Variants in FAF1 observed in about 807,000 individuals in gnomAD.
FAF1 encodes FAS-associated factor 1.
Under a neutral mutation model 92.5 loss-of-function variants are expected in FAF1, and 25 were observed. The observed-to-expected ratio is 0.27, with a 90% confidence interval of 0.20 to 0.38. The LOEUF is 0.38. FAF1 is among the 10% of genes least tolerant of loss of function. The pLI is 1.00. For missense variants in FAF1, 636 were observed against 793.3 expected (o/e 0.80, Z 2.38); for synonymous variants, 234 against 273.2 (o/e 0.86, Z 1.42).
intron 1 of FAF1, 143 bp downstream of exon 1, chr1:50,959,624 C>T: frequency 4.0e-6 from 2 of 499,494 alleles, no homozygotes; most frequent in Non-Finnish European, 7.2e-6. Flanking sequence ...TAGCTCGCCA[C>T]ACACACACAC....
At chr1:50,854,348 G>C (rs1273819277) in intron 2 of FAF1, among the ~76,000 whole-genome samples, 2 of 151,874 alleles carry the variant, frequency 1.3e-5, no homozygotes, top group African/African-American at 2.4e-5. Context: ...TTACCTTTCT[G>C]GGTATAAATG....
At chr1:50,755,009 T>C (rs1660019976) in intron 4 of FAF1, among the ~76,000 whole-genome samples, 1 of 152,100 alleles carries the variant, frequency 6.6e-6, no homozygotes, top group Admixed American at 6.5e-5. Context: ...AGATGAGATT[T>C]GGGTGGGGAC....
intron 8 of FAF1, among the ~76,000 whole-genome samples, chr1:50,604,076 C>G (rs1033630085): frequency 1.3e-5 from 2 of 152,158 alleles, no homozygotes; most frequent in African/African-American, 4.8e-5. Flanking sequence ...GCAACCGGAG[C>G]TGGAAGAAAC....
intron 1 of FAF1, among the ~76,000 whole-genome samples, chr1:50,945,508 C>T (rs560241844): frequency 3.7e-4 from 57 of 152,146 alleles, no homozygotes; most frequent in Non-Finnish European, 6.8e-4. Context: ...CAGTCCTTTG[C>T]TTTGTGTTCA....
chr1:50,659,820 A>C (rs571143271), intron 7 of FAF1, among the ~76,000 whole-genome samples: 38 of 152,336 alleles, frequency 2.5e-4, no homozygotes, highest in South Asian at 1.0e-3. Flanking sequence ...GGTATAGTTT[A>C]ATTTCTTCCA....
At chr1:50,653,983 G>C (rs945157946) in intron 8 of FAF1, among the ~76,000 whole-genome samples, 1 of 152,108 alleles carries the variant, frequency 6.6e-6, no homozygotes, top group Admixed American at 6.5e-5. Flanking sequence ...TAAAGGTTTT[G>C]CTATTTTCTG....
At chr1:50,880,537 C>T (rs1644603547) in intron 1 of FAF1, among the ~76,000 whole-genome samples, 1 of 152,188 alleles carries the variant, frequency 6.6e-6, no homozygotes, top group Non-Finnish European at 1.5e-5. Context: ...AGAACTCGTA[C>T]ACTATCTCCA....
chr1:50,653,948 G>A lies in FAF1; in HGVS notation c.744+1494C>T, dbSNP rs1326190764. On this transcript the variant is annotated intron_variant, in intron 8 of 18. Transcript: ENST00000396153. ...CTCCCAAAGTGCTGGGATTACAGGT[G>A]TGAGTCACCGTGCCTGACCAAAAAT... Among the ~76,000 whole-genome samples, 5 of 152,142 alleles carry A rather than the reference G, an allele frequency of 3.3e-5. No individual in the cohort carries two copies. In the South Asian group the frequency reaches 6.2e-4, roughly 19 times the overall value.
At chr1:50,495,311 G>A (rs1467714955) in intron 15 of FAF1, among the ~76,000 whole-genome samples, 1 of 152,118 alleles carries the variant, frequency 6.6e-6, no homozygotes, top group Non-Finnish European at 1.5e-5. Flanking sequence ...ATCTCCATGT[G>A]TTTAATTGTT....
At chr1:50,566,764 A>T (rs1650191138) in intron 13 of FAF1, among the ~76,000 whole-genome samples, 1 of 152,116 alleles carries the variant, frequency 6.6e-6, no homozygotes, top group South Asian at 2.1e-4. Flanking sequence ...TTTTCTGAAC[A>T]TCATTAAAAA....
chr1:50,729,056 A>ATTTTTT (rs1481654972), intron 6 of FAF1, among the ~76,000 whole-genome samples: 32 of 105,792 alleles, frequency 3.0e-4, no homozygotes, highest in South Asian at 6.5e-4. Context: ...ATATATATAT[A>ATTTTTT]TATTTTTTTT....
intron 4 of FAF1, among the ~76,000 whole-genome samples, chr1:50,774,919 G>A (rs761341594): frequency 6.6e-5 from 10 of 151,984 alleles, no homozygotes; most frequent in Non-Finnish European, 1.3e-4. Context: ...CTGCAATAAG[G>A]ACCCTAAAAA....
intron 1 of FAF1, among the ~76,000 whole-genome samples, chr1:50,919,863 T>C (rs1243234639): frequency 6.6e-6 from 1 of 152,120 alleles, no homozygotes; most frequent in Non-Finnish European, 1.5e-5. Context: ...TTGTAATCTC[T>C]AGAACAAGGG....
At chr1:50,543,141 TAAATC>T (rs778269419) in intron 13 of FAF1, among the ~76,000 whole-genome samples, 3 of 152,200 alleles carry the variant, frequency 2.0e-5, no homozygotes, top group Non-Finnish European at 4.4e-5. Context: ...GGATTACTAA[TAAATC>T]AGATATGGCA....
intron 8 of FAF1, among the ~76,000 whole-genome samples, chr1:50,609,208 T>C (rs552974006): frequency 2.6e-5 from 4 of 152,310 alleles, no homozygotes; most frequent in South Asian, 4.1e-4. Context: ...AAAGTATAGA[T>C]CATGCTAGTT....
chr1:50,635,991 T>A (rs1247896404), intron 8 of FAF1, among the ~76,000 whole-genome samples: 2 of 152,154 alleles, frequency 1.3e-5, no homozygotes, highest in Non-Finnish European at 2.9e-5. Context: ...ATTTTAAAAC[T>A]GGAACTGTTC....
intron 6 of FAF1, among the ~76,000 whole-genome samples, chr1:50,711,741 A>G (rs1657943745): frequency 6.6e-6 from 1 of 152,146 alleles, no homozygotes; most frequent in African/African-American, 2.4e-5. Flanking sequence ...CTGGGATTAT[A>G]GGCATAAGCC....
chr1:50,498,359 T>C (rs1646926913), intron 15 of FAF1, among the ~76,000 whole-genome samples: 1 of 152,182 alleles, frequency 6.6e-6, no homozygotes. Context: ...GGCAATGATT[T>C]CTTTAGTACG....
intron 1 of FAF1, among the ~76,000 whole-genome samples, chr1:50,893,819 T>C (rs1183690931): frequency 6.6e-6 from 1 of 152,236 alleles, no homozygotes; most frequent in Non-Finnish European, 1.5e-5. Flanking sequence ...CCAGGGATAC[T>C]GCACAGAAGC....
Sources: allele counts gnomAD v4.1 joint callset (sites outside exome capture counted in the v4.1 genomes callset), GRCh38; gene constraint gnomAD v4.1.1; transcripts MANE v1.5; gene names NCBI Gene and HGNC (gene_info 2026-07-23, HGNC 2026-07-21).